DSCAM: variants seen among roughly 807,000 people sequenced by gnomAD.
DSCAM encodes the protein DS cell adhesion molecule, also known as cell adhesion molecule DSCAM.
DSCAM carries 47 observed loss-of-function variants against 217.7 expected under a neutral mutation model. The ratio of observed to expected loss-of-function variants is 0.22; its 90% CI spans 0.17 to 0.28. The LOEUF is 0.28. Ranked by LOEUF, DSCAM falls within the 10% of genes least tolerant of loss-of-function variation. DSCAM has a pLI of 1.00. For missense variants in DSCAM, 2,080 were observed against 2,618.3 expected (o/e 0.79, Z 4.49); for synonymous variants, 1,056 against 1,015.3 (o/e 1.04, Z -0.76).
chr21:40,193,706 T>G (rs1163196505), intron 11 of DSCAM, among the ~76,000 whole-genome samples: 1 of 152,218 alleles, frequency 6.6e-6, no homozygotes, highest in Non-Finnish European at 1.5e-5. Context: ...CTCAAGGCTA[T>G]GGTCAGGATT....
chr21:40,395,542 T>G (rs866037356), intron 3 of DSCAM, among the ~76,000 whole-genome samples: 12 of 152,304 alleles, frequency 7.9e-5, no homozygotes, highest in Middle Eastern at 3.4e-3. Flanking sequence ...GATTTGGGTG[T>G]AGATTCCATA....
At position 40,218,293 on chromosome 21, in the gene DSCAM, A is replaced by C. The variant is rs148624524; in HGVS notation, c.2357-29055T>G. On this transcript the variant is annotated intron_variant, in intron 11 of 32. Coordinates refer to ENST00000400454, the MANE Select transcript of DSCAM (RefSeq NM_001389.5). ...GTTTTTGTCAGCTTTATCAATGCTA[A>C]GATGATTGTAGATGTGTGACCTTAT... is the stretch of plus-strand genomic sequence containing the variant. 4.3e-4 allele frequency among the ~76,000 whole-genome samples: 66 copies of C among 152,272 alleles called. No homozygotes were observed. The East Asian group carries it at 0.011, about 26-fold the overall frequency.
chr21:40,172,860 G>A (rs973332121), intron 15 of DSCAM, among the ~76,000 whole-genome samples: 2 of 152,146 alleles, frequency 1.3e-5, no homozygotes, highest in African/African-American at 4.8e-5. Flanking sequence ...ACAAACACAC[G>A]TTTGTCTTCT....
intron 10 of DSCAM, among the ~76,000 whole-genome samples, chr21:40,290,558 T>C (rs978309259): frequency 6.6e-6 from 1 of 151,834 alleles, no homozygotes; most frequent in Admixed American, 6.6e-5. Context: ...GAGGTGGAGG[T>C]TGCAGCGAGC....
intron 1 of DSCAM, among the ~76,000 whole-genome samples, chr21:40,751,173 A>G (rs758788740): frequency 6.6e-6 from 1 of 151,644 alleles, no homozygotes; most frequent in Non-Finnish European, 1.5e-5. Flanking sequence ...CATCCCCAGG[A>G]CTCTATCACT....
intron 3 of DSCAM, among the ~76,000 whole-genome samples, chr21:40,676,417 G>T (rs941538673): frequency 9.2e-5 from 14 of 152,186 alleles, no homozygotes; most frequent in Admixed American, 5.2e-4. Context: ...AGGTTTACTG[G>T]AGAACCCTGG....
At chr21:40,258,608 A>G (rs930576461) in intron 11 of DSCAM, among the ~76,000 whole-genome samples, 1 of 152,254 alleles carries the variant, frequency 6.6e-6, no homozygotes, top group Admixed American at 6.5e-5. Flanking sequence ...GCTAGCCGCA[A>G]TGAAGAAATC....
At chr21:40,322,037 G>T (rs2074265303) in intron 8 of DSCAM, among the ~76,000 whole-genome samples, 1 of 152,092 alleles carries the variant, frequency 6.6e-6, no homozygotes, top group Admixed American at 6.6e-5. Flanking sequence ...CCTACCCTAT[G>T]CCCAGAATTA....
At chr21:40,362,410 T>C (rs1453849486) in intron 4 of DSCAM, among the ~76,000 whole-genome samples, 2 of 152,338 alleles carry the variant, frequency 1.3e-5, no homozygotes, top group East Asian at 3.9e-4. Context: ...TTCAGTGGGT[T>C]GGTTAGATAA....
chr21:40,275,749 G>T (rs1000051942), intron 11 of DSCAM, among the ~76,000 whole-genome samples: 1 of 152,166 alleles, frequency 6.6e-6, no homozygotes, highest in Admixed American at 6.6e-5. Flanking sequence ...GTTTTTCCAC[G>T]GGAAAATCAA....
At chr21:40,261,609 T>C (rs925008251) in intron 11 of DSCAM, among the ~76,000 whole-genome samples, 1 of 151,614 alleles carries the variant, frequency 6.6e-6, no homozygotes, top group Non-Finnish European at 1.5e-5. Context: ...TCCATAATCA[T>C]GTGGGCCAAT....
intron 1 of DSCAM, among the ~76,000 whole-genome samples, chr21:40,827,143 G>A (rs1960100202): frequency 1.3e-5 from 2 of 152,132 alleles, no homozygotes; most frequent in Admixed American, 1.3e-4. Context: ...GAAACCCAGA[G>A]AGTGAGGTGT....
chr21:40,087,357 A>C (rs527635124), intron 21 of DSCAM, 70 bp from the exon 22 acceptor site: 2 of 1,183,620 alleles, frequency 1.7e-6, no homozygotes, highest in Non-Finnish European at 2.5e-6. Flanking sequence ...AACATGACCT[A>C]CTCAATAAGG....
At chr21:40,729,559 G>T (rs2090991572) in intron 1 of DSCAM, among the ~76,000 whole-genome samples, 1 of 152,160 alleles carries the variant, frequency 6.6e-6, no homozygotes, top group South Asian at 2.1e-4. Context: ...TTAACATTTA[G>T]ATAGATTGAG....
At chr21:40,409,303 T>C (rs1038459286) in intron 3 of DSCAM, among the ~76,000 whole-genome samples, 7 of 152,256 alleles carry the variant, frequency 4.6e-5, no homozygotes, top group Non-Finnish European at 7.3e-5. Flanking sequence ...TTTTATCTTA[T>C]GCAACTTGAG....
chr21:40,403,292 T>A (rs1309303124), intron 3 of DSCAM, among the ~76,000 whole-genome samples: 1 of 151,982 alleles, frequency 6.6e-6, no homozygotes, highest in Non-Finnish European at 1.5e-5. Flanking sequence ...TCCAGGTGAT[T>A]AGTAAATCTT....
At chr21:40,378,256 T>A (rs2074982511) in intron 3 of DSCAM, among the ~76,000 whole-genome samples, 2 of 152,286 alleles carry the variant, frequency 1.3e-5, no homozygotes, top group Middle Eastern at 3.4e-3. Context: ...AACAAATCAA[T>A]GTAAATTAAA....
chr21:40,247,309 A>G (rs1010268752), intron 11 of DSCAM, among the ~76,000 whole-genome samples: 2 of 152,178 alleles, frequency 1.3e-5, no homozygotes, highest in Non-Finnish European at 2.9e-5. Context: ...GTCTTAACTC[A>G]TTTCAGTATT....
chr21:40,080,418 TG>T, intron 24 of DSCAM, 78 bp from the exon 25 acceptor site: 2 of 1,254,956 alleles, frequency 1.6e-6, no homozygotes, highest in South Asian at 1.7e-5. Flanking sequence ...GCATTTTGTG[TG>T]GGTAATAGAA....
Sources: gnomAD v4.1 joint callset for allele counts (sites outside exome capture counted in the v4.1 genomes callset) on GRCh38, gnomAD v4.1.1 for gene constraint, MANE v1.5 for transcripts, NCBI Gene and HGNC (gene_info 2026-07-23, HGNC 2026-07-21) for gene names.